Variants in STXBP6 observed in about 807,000 individuals in gnomAD.
STXBP6 encodes syntaxin-binding protein 6.
STXBP6 carries 21 observed loss-of-function variants against 26.9 expected under a neutral mutation model. The ratio of observed to expected loss-of-function variants is 0.78; its 90% confidence interval spans 0.55 to 1.12. The LOEUF (loss-of-function observed/expected upper bound fraction) is 1.12, where lower values mean the gene tolerates loss of function less well. Among genes scored for constraint, STXBP6 ranks in the 50% most tolerant of loss-of-function variants. STXBP6 has a pLI of 0.00. For synonymous variants in STXBP6, 97 were observed against 92.6 expected (o/e 1.05, Z -0.27); for missense variants, 232 against 257.9 (o/e 0.90, Z 0.69).
rs540155017 is a variant in STXBP6, at chr14:24,964,907, A to G, written c.154+9758T>C. On this transcript the variant is annotated intron_variant, in intron 2 of 5. Coordinates refer to ENST00000323944, the MANE Select transcript of STXBP6 (RefSeq NM_001394410.1). ...TAACATCTCCCATTTCAGGGACAGG[A>G]CTTCGATTGACTAACCCAGTTCTAA... Among the ~76,000 whole-genome samples, 91 of 152,272 alleles carry G rather than the reference A, an allele frequency of 6.0e-4. 1 individual carries two copies. Among genetic ancestry groups the G allele is most frequent in the African/African-American group, 2.1e-3 (87 of 41,542 alleles).
intron 1 of STXBP6, among the ~76,000 whole-genome samples, chr14:25,025,751 C>G (rs532333982): frequency 6.6e-6 from 1 of 152,150 alleles, no homozygotes; most frequent in African/African-American, 2.4e-5. Context: ...ATAAAAATGT[C>G]CTGTTTCTCA....
In STXBP6 at chr14:24,931,130, A is replaced by C. The variant is rs2072379412; in HGVS notation, c.154+43535T>G. Among the ~76,000 whole-genome samples, 3 of 138,916 alleles carry C rather than the reference A, an allele frequency of 2.2e-5. No homozygotes were observed. In the Admixed American group the frequency reaches 2.2e-4, roughly 10 times the overall value. The allele number at this position is 138,916 out of a possible 152,430, so 91.1% of individuals were successfully genotyped here. On this transcript the variant is annotated intron_variant, in intron 2 of 5. Coordinates refer to ENST00000323944, the MANE Select transcript of STXBP6 (RefSeq NM_001394410.1). ...GAGACTCCGTCTCAAAAAAAAAAAA[A>C]AAAAAAAAAAAACCCAAACACCACA...
At chr14:24,845,123 T>C (rs777608193) in intron 4 of STXBP6, among the ~76,000 whole-genome samples, 1 of 151,908 alleles carries the variant, frequency 6.6e-6, no homozygotes, top group Non-Finnish European at 1.5e-5. Flanking sequence ...GCGATTCTCC[T>C]GCCTCAGCCT....
At chr14:24,947,961 C>A (rs1357353343) in intron 2 of STXBP6, among the ~76,000 whole-genome samples, 1 of 152,196 alleles carries the variant, frequency 6.6e-6, no homozygotes, top group Admixed American at 6.5e-5. Flanking sequence ...TCACTAGTGA[C>A]TGACAGTTTC....
chr14:25,049,686 G>C lies in STXBP6; in HGVS notation c.-33+192C>G, dbSNP rs536788624. The C allele has an allele frequency of 3.0e-6, 3 of 985,876 alleles. No homozygotes were observed. The East Asian group carries it at 3.4e-4, about 112-fold the overall frequency. 61.1% of individuals were successfully genotyped at this position (985,876 alleles called of 1,614,324 possible). The stretch of plus-strand genomic sequence containing the variant: ...CTGCGCGCACAAAGCAGCTGCGCCG[G>C]GGCGCGCGGCCCCCTCTCCCGCCAC... On this transcript the variant is annotated intron_variant, in intron 1 of 5. Coordinates refer to ENST00000323944, the MANE Select transcript of STXBP6 (RefSeq NM_001394410.1). This position sits in a 1 kb window ranked among gnomAD's most constrained non-coding sequence, Gnocchi z 5.6.
At chr14:24,817,640 T>C (rs1486183188) in intron 5 of STXBP6, 1 of 166,052 alleles carries the variant, frequency 6.0e-6, no homozygotes, top group African/African-American at 2.4e-5. Flanking sequence ...GAGGCTGTAA[T>C]GCCAGCATTT....
chr14:25,023,145 A>C (rs2075289462), intron 1 of STXBP6, among the ~76,000 whole-genome samples: 1 of 152,222 alleles, frequency 6.6e-6, no homozygotes, highest in East Asian at 1.9e-4. Context: ...GGGATCATTA[A>C]GATATGCTCT....
intron 2 of STXBP6, among the ~76,000 whole-genome samples, chr14:24,972,236 AT>A (rs142288623): frequency 0.046 from 7,010 of 152,300 alleles, 570 homozygotes; most frequent in African/African-American, 0.16. Context: ...CAAAAAAGCA[AT>A]TGTCATAGTT....
intron 1 of STXBP6, among the ~76,000 whole-genome samples, chr14:25,033,281 T>C (rs568811390): frequency 4.1e-4 from 62 of 152,096 alleles, no homozygotes; most frequent in Non-Finnish European, 7.1e-4. Context: ...TCTTTCTATT[T>C]CTCCATACCT....
chr14:25,043,977 C>T (rs2140515346), intron 1 of STXBP6, among the ~76,000 whole-genome samples: 1 of 151,598 alleles, frequency 6.6e-6, no homozygotes, highest in East Asian at 1.9e-4. Flanking sequence ...CAAGATCAGC[C>T]TGGGCAACAT....
At position 24,974,771 on chromosome 14, in the gene STXBP6, A is replaced by C. The variant is rs767031935; in HGVS notation, c.48T>G (p.Asp16Glu). 1.2e-5 allele frequency: 19 copies of C among 1,607,896 alleles called. No homozygotes were observed. The South Asian group carries it at 1.6e-4, about 13-fold the overall frequency. Residue 16 changes from aspartate (D) to glutamate (E), a missense_variant, in exon 2 of 6, where the codon GAT (aspartate) becomes GAG (glutamate). Asp to Glu is a conservative substitution (Grantham distance 45, BLOSUM62 2). Coordinates refer to ENST00000323944, the MANE Select transcript of STXBP6 (RefSeq NM_001394410.1). ...AISKEIFAPL[D>E]ERMLGAVQVK... is the part of the protein sequence containing the mutation. ...CTTGGACAGCTCCCAGCATCCTTTC[A>C]TCAAGAGGTGCAAAAATTTCCTTGC...
intron 2 of STXBP6, among the ~76,000 whole-genome samples, chr14:24,893,390 G>A (rs1306026197): frequency 6.6e-6 from 1 of 152,268 alleles, no homozygotes; most frequent in East Asian, 1.9e-4. Flanking sequence ...AAAAATTAAG[G>A]AATTTGCTCT....
At chr14:24,830,562 T>A (rs891050566) in intron 4 of STXBP6, among the ~76,000 whole-genome samples, 1 of 152,180 alleles carries the variant, frequency 6.6e-6, no homozygotes, top group Admixed American at 6.5e-5. Flanking sequence ...AAAACAAATT[T>A]TCTTGGAGGG....
At chr14:24,949,697 C>G (rs2073101110) in intron 2 of STXBP6, among the ~76,000 whole-genome samples, 1 of 152,186 alleles carries the variant, frequency 6.6e-6, no homozygotes, top group Non-Finnish European at 1.5e-5. Flanking sequence ...TAGCCTAAAG[C>G]TGCCTCCTTA....
At chr14:24,878,805 A>C in intron 2 of STXBP6, 1 of 452,790 alleles carries the variant, frequency 2.2e-6, no homozygotes, top group South Asian at 1.6e-5. Context: ...TTTGAAGCTG[A>C]CTTGATATCT....
At chr14:24,993,491 C>T (rs766704058) in intron 1 of STXBP6, among the ~76,000 whole-genome samples, 7 of 152,300 alleles carry the variant, frequency 4.6e-5, no homozygotes, top group Non-Finnish European at 1.0e-4. Flanking sequence ...TAGATTACTA[C>T]CAACATCCTC....
intron 2 of STXBP6, among the ~76,000 whole-genome samples, chr14:24,923,531 T>C (rs2072056671): frequency 6.6e-6 from 1 of 152,204 alleles, no homozygotes; most frequent in Non-Finnish European, 1.5e-5. Flanking sequence ...TTTTGACAAA[T>C]GGTTCTCCAA....
At position 24,862,654 on chromosome 14, in the gene STXBP6, A is replaced by G. The variant is rs181849603; in HGVS notation, c.155-5497T>C. On this transcript the variant is annotated intron_variant, in intron 2 of 5. Coordinates refer to ENST00000323944, the MANE Select transcript of STXBP6 (RefSeq NM_001394410.1). Reference sequence around the variant, plus strand: ...CTCCAAAAGTGGAAGAAGAAGAGATAATGGAAAGTCTAGGAAATTTCTCCA... The same window carrying G: ...CTCCAAAAGTGGAAGAAGAAGAGATGATGGAAAGTCTAGGAAATTTCTCCA... Among the ~76,000 whole-genome samples the G allele has an allele frequency of 8.6e-4, 131 of 152,316 alleles. 1 individual carries two copies. Among genetic ancestry groups the G allele is most frequent in the Non-Finnish European group, 1.4e-3 (93 of 68,010 alleles).
At chr14:24,899,383 G>T (rs1221759134) in intron 2 of STXBP6, among the ~76,000 whole-genome samples, 1 of 152,138 alleles carries the variant, frequency 6.6e-6, no homozygotes, top group Non-Finnish European at 1.5e-5. Context: ...ATTATTCCAT[G>T]CCAGGAGAAA....
Sources: allele counts gnomAD v4.1 joint callset (sites outside exome capture counted in the v4.1 genomes callset), GRCh38; gene constraint gnomAD v4.1.1; non-coding constraint Gnocchi (gnomAD v3.1); transcripts MANE v1.5; gene names NCBI Gene and HGNC (gene_info 2026-07-23, HGNC 2026-07-21).